Variants in GPR15LG observed in about 807,000 individuals in gnomAD.
The protein encoded by GPR15LG is G protein-coupled receptor 15 ligand.
chr10:84,176,536 C>T, the GPR15LG span: 20 of 1,613,900 alleles, frequency 1.2e-5, no homozygotes, highest in South Asian at 5.5e-5. Flanking sequence ...CTGCTGCCAC[C>T]GAGTCCCTAG....
the GPR15LG span, among the ~76,000 whole-genome samples, chr10:84,184,173 A>C: frequency 6.6e-6 from 1 of 152,090 alleles, no homozygotes; most frequent in East Asian, 1.9e-4. Context: ...AAAAAAAAAA[A>C]AAACTATAAA....
chr10:84,179,216 T>C, the GPR15LG span, among the ~76,000 whole-genome samples: 1 of 152,172 alleles, frequency 6.6e-6, no homozygotes, highest in Non-Finnish European at 1.5e-5. Flanking sequence ...AAGAGGGAGT[T>C]ATAATAGAAT....
At chr10:84,178,662 G>A in the GPR15LG span, among the ~76,000 whole-genome samples, 4 of 152,060 alleles carry the variant, frequency 2.6e-5, no homozygotes, top group Non-Finnish European at 4.4e-5. Context: ...ATACACCCAA[G>A]CACACACAGT....
the GPR15LG span, among the ~76,000 whole-genome samples, chr10:84,181,853 C>G: frequency 6.6e-6 from 1 of 152,194 alleles, no homozygotes; most frequent in Non-Finnish European, 1.5e-5. Context: ...TGTGAAGGCC[C>G]CACCAGCCAG....
chr10:84,185,013 C>A, the GPR15LG span: 2 of 1,348,088 alleles, frequency 1.5e-6, no homozygotes, highest in Non-Finnish European at 1.9e-6. Flanking sequence ...ACCATGTGGG[C>A]CTCTCCAGTG....
At chr10:84,175,094 C>G in the GPR15LG span, among the ~76,000 whole-genome samples, 18 of 152,204 alleles carry the variant, frequency 1.2e-4, no homozygotes, top group African/African-American at 4.3e-4. Flanking sequence ...TATAATCACC[C>G]AAAATGCTTA....
the GPR15LG span, among the ~76,000 whole-genome samples, chr10:84,174,581 C>T: frequency 1.3e-5 from 2 of 150,808 alleles, no homozygotes. Context: ...GCAATCTCCG[C>T]CTCCTGGGTT....
chr10:84,177,999 A>G, the GPR15LG span, among the ~76,000 whole-genome samples: 1 of 152,084 alleles, frequency 6.6e-6, no homozygotes. Flanking sequence ...GATACACACC[A>G]CACAACCACA....
At chr10:84,183,912 C>A in the GPR15LG span, among the ~76,000 whole-genome samples, 1 of 152,080 alleles carries the variant, frequency 6.6e-6, no homozygotes, top group Non-Finnish European at 1.5e-5. Flanking sequence ...TCCCAAACCG[C>A]TAGGATTACA....
chr10:84,177,823 A>T, the GPR15LG span, among the ~76,000 whole-genome samples: 1 of 152,170 alleles, frequency 6.6e-6, no homozygotes, highest in African/African-American at 2.4e-5. Context: ...AACCTTCCAG[A>T]GAGAGGTGGA....
the GPR15LG span, among the ~76,000 whole-genome samples, chr10:84,179,690 C>T: frequency 2.0e-5 from 3 of 152,200 alleles, no homozygotes; most frequent in African/African-American, 7.2e-5. Context: ...ATACTGACTA[C>T]TCCTCGTTCT....
chr10:84,174,595 G>A, the GPR15LG span, among the ~76,000 whole-genome samples: 3 of 147,608 alleles, frequency 2.0e-5, no homozygotes, highest in African/African-American at 5.0e-5. Flanking sequence ...CTGGGTTCAA[G>A]CAATTCTCTG....
chr10:84,180,571 C>T, the GPR15LG span, among the ~76,000 whole-genome samples: 5 of 151,914 alleles, frequency 3.3e-5, no homozygotes, highest in African/African-American at 9.7e-5. Context: ...GACGGGATGA[C>T]GGCCGGGAAG....
the GPR15LG span, chr10:84,184,719 C>A: frequency 6.2e-7 from 1 of 1,613,808 alleles, no homozygotes; most frequent in Non-Finnish European, 8.5e-7. Context: ...CAAGCTTGAG[C>A]CAGAGCCCCG....
At chr10:84,184,575 T>G in the GPR15LG span, 1 of 1,190,346 alleles carries the variant, frequency 8.4e-7, no homozygotes, top group South Asian at 1.3e-5. Flanking sequence ...TTAAATGTGT[T>G]TGAAAATGCA....
chr10:84,185,153 G>T, the GPR15LG span: 10 of 952,842 alleles, frequency 1.0e-5, no homozygotes, highest in Non-Finnish European at 1.3e-5. Context: ...CCATCTTCAG[G>T]TCCATTCAGC....
At chr10:84,179,628 C>T in the GPR15LG span, among the ~76,000 whole-genome samples, 2 of 152,170 alleles carry the variant, frequency 1.3e-5, no homozygotes, top group African/African-American at 4.8e-5. Flanking sequence ...CTCAGAGTTG[C>T]CTAGAGGGTG....
At chr10:84,174,906 T>TG in the GPR15LG span, among the ~76,000 whole-genome samples, 1 of 152,084 alleles carries the variant, frequency 6.6e-6, no homozygotes, top group Non-Finnish European at 1.5e-5. Flanking sequence ...AACTTTTGGG[T>TG]GGGGGGAGCT....
chr10:84,184,698 T>C, the GPR15LG span: 1 of 1,614,144 alleles, frequency 6.2e-7, no homozygotes. Flanking sequence ...TGTGAGGCTC[T>C]GTAAACCATG....
Sources: gnomAD v4.1 joint callset for allele counts (sites outside exome capture counted in the v4.1 genomes callset) on GRCh38, gnomAD v4.1.1 for gene constraint, MANE v1.5 for transcripts, NCBI Gene and HGNC (gene_info 2026-07-23, HGNC 2026-07-21) for gene names.